The following PCSK5 variants were observed in gnomAD, a reference collection of about 807,000 sequenced individuals.
PCSK5 encodes prohormone convertase 5.
Under a neutral mutation model 233.2 loss-of-function variants are expected in PCSK5, and 129 were observed. That is an observed-to-expected ratio of 0.55 (90% confidence interval 0.48 to 0.64). The LOEUF (loss-of-function observed/expected upper bound fraction) is 0.64. Among genes scored for constraint, PCSK5 ranks in the 30% least tolerant of loss-of-function variants. The pLI is 0.00. For synonymous variants in PCSK5, 825 were observed against 879.2 expected (o/e 0.94, Z 1.09); for missense variants, 2,076 against 2,430.1 (o/e 0.85, Z 3.06).
chr9:76,102,365 A>C (rs1831798913), intron 8 of PCSK5, among the ~76,000 whole-genome samples: 1 of 152,168 alleles, frequency 6.6e-6, no homozygotes, highest in South Asian at 2.1e-4. Context: ...ACACACATAA[A>C]TACCTCTTGC....
In PCSK5 at chr9:76,233,556, C is replaced by T. The variant is rs1250618385; in HGVS notation, c.2826C>T (p.Cys942=). ...CHPCHHTCQR[C]QGSGPTHCTS... is the part of the protein sequence containing the mutation. Reference sequence around the variant, plus strand: ...CATGCCACCACACCTGCCAGAGATGCCAAGGAAGTGGCCCTACCCACTGCA... The same window carrying T: ...CATGCCACCACACCTGCCAGAGATGTCAAGGAAGTGGCCCTACCCACTGCA... Residue 942 remains cysteine, a synonymous_variant, in exon 22 of 38, where the codon TGC becomes TGT. Coordinates refer to ENST00000674117, the MANE Select transcript of PCSK5 (RefSeq NM_001372043.1). The T allele has an allele frequency of 1.2e-6, 2 of 1,612,022 alleles. No homozygotes were observed. Among genetic ancestry groups the T allele is most frequent in the Admixed American group, 1.7e-5 (1 of 60,022 alleles).
chr9:75,979,265 TA>T lies in PCSK5; in HGVS notation c.298-6857del, dbSNP rs956984776. Among the ~76,000 whole-genome samples the T allele has an allele frequency of 1.8e-3, 261 of 148,664 alleles. 1 individual carries two copies. The highest frequency in any genetic ancestry group is 0.016 in the Admixed American group (242 of 14,848). The stretch of plus-strand genomic sequence containing the variant: ...AAGACAGATGTTCATCAAAGCCGTC[TA>T]AAAAAAAAACCAGTTCATACTGGCT... On this transcript the variant is annotated intron_variant, in intron 2 of 37. Coordinates refer to ENST00000674117, the MANE Select transcript of PCSK5 (RefSeq NM_001372043.1).
intron 12 of PCSK5, among the ~76,000 whole-genome samples, chr9:76,165,784 C>A (rs1305587931): frequency 6.6e-6 from 1 of 152,212 alleles, no homozygotes; most frequent in Non-Finnish European, 1.5e-5. Flanking sequence ...TTTACCCACA[C>A]TAATAATGTT....
intron 9 of PCSK5, among the ~76,000 whole-genome samples, chr9:76,131,380 TCTTTA>T (rs960020895): frequency 9.2e-5 from 14 of 152,164 alleles, no homozygotes; most frequent in African/African-American, 3.1e-4. Flanking sequence ...CAATTTATCT[TCTTTA>T]CTTTATTTTG....
At chr9:76,256,153 T>A (rs1366106883) in intron 24 of PCSK5, among the ~76,000 whole-genome samples, 2 of 152,250 alleles carry the variant, frequency 1.3e-5, no homozygotes, top group Non-Finnish European at 2.9e-5. Flanking sequence ...TTCTCCAACA[T>A]TCAAGCTCAC....
chr9:76,073,939 A>G (rs1273152137), intron 7 of PCSK5, among the ~76,000 whole-genome samples: 2 of 152,192 alleles, frequency 1.3e-5, no homozygotes, highest in South Asian at 2.1e-4. Flanking sequence ...TTAAGATTAG[A>G]AACAAAATCA....
At chr9:75,999,211 G>GC (rs573392133) in intron 3 of PCSK5, among the ~76,000 whole-genome samples, 1 of 151,958 alleles carries the variant, frequency 6.6e-6, no homozygotes, top group South Asian at 2.1e-4. Flanking sequence ...CCCTCCCCTA[G>GC]CCCCCCAGCC....
At chr9:75,978,869 C>CTTTTTTTTTTTTTTTTT (rs5898441) in intron 2 of PCSK5, among the ~76,000 whole-genome samples, 1 of 128,042 alleles carries the variant, frequency 7.8e-6, no homozygotes, top group African/African-American at 2.8e-5. Context: ...GAATGTTTCC[C>CTTTTTTTTTTTTTTTTT]TTTTTTTTTT....
intron 24 of PCSK5, among the ~76,000 whole-genome samples, chr9:76,266,785 G>T (rs1275110096): frequency 1.3e-5 from 2 of 152,120 alleles, no homozygotes; most frequent in Non-Finnish European, 2.9e-5. Context: ...CCAGCCAGTT[G>T]CTTCTCTGGA....
chr9:76,264,366 C>G, intron 24 of PCSK5, among the ~76,000 whole-genome samples: 1 of 151,998 alleles, frequency 6.6e-6, no homozygotes, highest in East Asian at 1.9e-4. Context: ...TAGAAGAAAA[C>G]CTAGGAAGCA....
chr9:76,035,028 T>C (rs1019230013), intron 5 of PCSK5, among the ~76,000 whole-genome samples: 2 of 152,180 alleles, frequency 1.3e-5, no homozygotes, highest in African/African-American at 2.4e-5. Context: ...GCTGCATTAA[T>C]TGTCTGTCTT....
chr9:76,237,504 A>G (rs1175643118), intron 22 of PCSK5, among the ~76,000 whole-genome samples: 1 of 152,124 alleles, frequency 6.6e-6, no homozygotes, highest in East Asian at 1.9e-4. Context: ...ACAGTGGCTC[A>G]CGCCTGTAAT....
intron 15 of PCSK5, among the ~76,000 whole-genome samples, chr9:76,181,108 C>T (rs1823851944): frequency 6.6e-6 from 1 of 152,196 alleles, no homozygotes; most frequent in Non-Finnish European, 1.5e-5. Flanking sequence ...GATTCACCAC[C>T]ATAACCTTCC....
At chr9:76,315,100 C>T (rs1182724140) in intron 30 of PCSK5, among the ~76,000 whole-genome samples, 3 of 151,938 alleles carry the variant, frequency 2.0e-5, no homozygotes, top group African/African-American at 7.3e-5. Context: ...TTACATGCAT[C>T]CATCACCACG....
intron 1 of PCSK5, among the ~76,000 whole-genome samples, chr9:75,931,350 A>G (rs753602834): frequency 9.3e-5 from 14 of 150,650 alleles, no homozygotes; most frequent in Non-Finnish European, 1.5e-4. Context: ...AGAGCCGTGG[A>G]TGTCCTGGAG....
At chr9:76,274,256 G>T (rs1298673215) in intron 24 of PCSK5, among the ~76,000 whole-genome samples, 1 of 151,886 alleles carries the variant, frequency 6.6e-6, no homozygotes, top group East Asian at 1.9e-4. Context: ...TAATTTTTAT[G>T]TCTATCACTT....
intron 32 of PCSK5, among the ~76,000 whole-genome samples, chr9:76,326,036 G>C (rs1829350429): frequency 6.6e-6 from 1 of 152,118 alleles, no homozygotes; most frequent in Non-Finnish European, 1.5e-5. Context: ...CAAAGAACCT[G>C]ATCTGAAAAT....
chr9:76,228,538 GT>G (rs1825971244), intron 21 of PCSK5, among the ~76,000 whole-genome samples: 1 of 152,226 alleles, frequency 6.6e-6, no homozygotes, highest in Non-Finnish European at 1.5e-5. Context: ...TGCTAACTGA[GT>G]TAATGAGGGA....
chr9:76,191,699 A>G (rs1010061873), intron 20 of PCSK5, among the ~76,000 whole-genome samples: 2 of 152,144 alleles, frequency 1.3e-5, no homozygotes, highest in South Asian at 2.1e-4. Flanking sequence ...TGATTCTACT[A>G]TAGCACACTG....
Sources: gnomAD v4.1 joint callset for allele counts (sites outside exome capture counted in the v4.1 genomes callset) on GRCh38, gnomAD v4.1.1 for gene constraint, MANE v1.5 for transcripts, NCBI Gene and HGNC (gene_info 2026-07-23, HGNC 2026-07-21) for gene names.